The following KDM3A variants were observed in gnomAD, a reference collection of about 807,000 sequenced individuals.
KDM3A encodes lysine-specific demethylase 3A.
Under a neutral mutation model 158.0 loss-of-function variants are expected in KDM3A, and 60 were observed. The observed-to-expected ratio is 0.38, with a 90% confidence interval of 0.31 to 0.47. The LOEUF (loss-of-function observed/expected upper bound fraction) is 0.47. Ranked by LOEUF, KDM3A falls within the 20% of genes least tolerant of loss-of-function variation. The pLI is 0.99. For synonymous variants in KDM3A, 608 were observed against 549.3 expected (o/e 1.11, Z -1.49); for missense variants, 1,319 against 1,574.3 (o/e 0.84, Z 2.74).
At chr2:86,438,354 G>A (rs1573123055), upstream of KDM3A, among the ~76,000 whole-genome samples, 1 of 152,066 alleles carries the variant, frequency 6.6e-6, no homozygotes, top group Non-Finnish European at 1.5e-5. Flanking sequence ...GGAGTGGGGA[G>A]ATTGGGTAGA....
At chr2:86,474,276 A>T (rs1673547458) in intron 11 of KDM3A, among the ~76,000 whole-genome samples, 1 of 152,096 alleles carries the variant, frequency 6.6e-6, no homozygotes, top group Non-Finnish European at 1.5e-5. Flanking sequence ...AAGTGTTTTT[A>T]ATCTTCCTAC....
At chr2:86,461,780 T>C (rs903391861) in intron 8 of KDM3A, among the ~76,000 whole-genome samples, 2 of 151,986 alleles carry the variant, frequency 1.3e-5, no homozygotes, top group African/African-American at 4.8e-5. Context: ...CTGAAAACGA[T>C]GTAGCCAGAG....
chr2:86,478,069 G>C, intron 13 of KDM3A, 40 bp downstream of exon 13: 4 of 1,612,620 alleles, frequency 2.5e-6, no homozygotes, highest in Non-Finnish European at 3.4e-6. Flanking sequence ...CCTCTACACA[G>C]TTAAATCAAG....
intron 8 of KDM3A, 65 bp from the exon 9 acceptor site, chr2:86,463,988 G>T (rs1235950758): frequency 4.2e-6 from 5 of 1,198,610 alleles, no homozygotes; most frequent in Non-Finnish European, 5.7e-6. Flanking sequence ...CTTAAATTTG[G>T]TAGCATTTTA....
At position 86,455,207 on chromosome 2, in the gene KDM3A, G is replaced by T; in HGVS notation, c.556+20G>T. 7.5e-7 allele frequency: 1 copy of T among 1,325,236 alleles called. No homozygotes were observed. Among genetic ancestry groups the T allele is most frequent in the Non-Finnish European group, 1.1e-6 (1 of 936,484 alleles). 82.1% of individuals were successfully genotyped at this position (1,325,236 alleles called of 1,614,324 possible). ...TAAAAGGTATATGCATTATCTAGTG[G>T]TGATAGTTCACGAGTTGACCAATGA... On this transcript the variant is annotated intron_variant, in intron 5 of 25. Coordinates refer to ENST00000312912, the MANE Select transcript of KDM3A (RefSeq NM_018433.6).
chr2:86,453,739 T>A (rs72930362), intron 4 of KDM3A, among the ~76,000 whole-genome samples: 20,461 of 151,940 alleles, frequency 0.13, 1,500 homozygotes, highest in Middle Eastern at 0.16. Context: ...TCTTATGGAG[T>A]CCCTAGGTTT....
rs770034100 is a variant in KDM3A at position 86,442,032 on chromosome 2, T to C, written c.-16T>C. ...TGTTTTTGCAGGGAGGAGCTCTTCC[T>C]GCAGGCGTGGAAACCATGGTGCTCA... On this transcript the variant is annotated 5_prime_UTR_variant, in exon 2 of 26. Transcript: ENST00000312912. The C allele has an allele frequency of 1.9e-6, 3 of 1,597,350 alleles. No homozygotes were observed. In the East Asian group the frequency reaches 6.9e-5, roughly 37 times the overall value.
chr2:86,473,267 C>CCT (rs1163981030), intron 11 of KDM3A, among the ~76,000 whole-genome samples: 3 of 152,160 alleles, frequency 2.0e-5, no homozygotes. Context: ...CTCAAGTGAT[C>CCT]CTCCCATCTC....
intron 15 of KDM3A, 129 bp downstream of exon 15, chr2:86,478,864 GAGAA>G: frequency 1.2e-6 from 1 of 856,022 alleles, no homozygotes; most frequent in Non-Finnish European, 1.8e-6. Context: ...GAAAGAGAGA[GAGAA>G]AGAATTCATA....
intron 15 of KDM3A, 86 bp from the exon 16 acceptor site, chr2:86,480,078 CTTG>C (rs1673846532): frequency 2.0e-6 from 2 of 1,006,672 alleles, no homozygotes; most frequent in African/African-American, 3.2e-5. Context: ...ATTTATCTTA[CTTG>C]TTGGTCGGCT....
At chr2:86,458,678 C>G (rs1355200360) in intron 8 of KDM3A, among the ~76,000 whole-genome samples, 1 of 152,106 alleles carries the variant, frequency 6.6e-6, no homozygotes. Context: ...GGCAGAGCCT[C>G]TCAGACAGGG....
intron 8 of KDM3A, among the ~76,000 whole-genome samples, chr2:86,462,252 G>A (rs1672961775): frequency 6.6e-6 from 1 of 151,606 alleles, no homozygotes; most frequent in Non-Finnish European, 1.5e-5. Context: ...AAAAATTTAT[G>A]CTTAGGTTTA....
chr2:86,471,387 G>A (rs914950695), intron 11 of KDM3A, among the ~76,000 whole-genome samples: 3 of 150,956 alleles, frequency 2.0e-5, no homozygotes, highest in Non-Finnish European at 3.0e-5. Flanking sequence ...ATATATGTGT[G>A]TATATATATA....
chr2:86,451,136 G>C lies in KDM3A; in HGVS notation c.376G>C (p.Gly126Arg), dbSNP rs1338770276. The C allele has an allele frequency of 6.2e-7, 1 of 1,611,088 alleles. No individual in the cohort carries two copies. The highest frequency in any genetic ancestry group is 1.7e-5 in the Admixed American group (1 of 59,194). ...YKPLLDKAGL[G>R]SITSVRFLGD... ...ACCTCTGTTGGACAAAGCTGGTTTG[G>C]GATCCATAACTTCTGTTCGCTTTCT... is the stretch of plus-strand genomic sequence containing the variant. The change falls in exon 4 of 26, where the codon GGA becomes CGA. Residue 126 changes from glycine to arginine, a missense_variant. Gly to Arg is a moderately radical substitution (Grantham distance 125). Transcript: ENST00000312912.
chr2:86,478,017 A>T lies in KDM3A; in HGVS notation c.2080A>T (p.Asn694Tyr). The T allele has an allele frequency of 2.5e-6, 4 of 1,614,122 alleles. No individual in the cohort carries two copies. Among genetic ancestry groups the T allele is most frequent in the Non-Finnish European group, 3.4e-6 (4 of 1,180,002 alleles). Residue 694 changes from asparagine to tyrosine, a missense_variant, in exon 13 of 26, where the codon AAT becomes TAT. By Grantham distance (143) the Asn-to-Tyr change is moderately radical. Transcript: ENST00000312912. ...CVDCYRMKRK[N>Y]CQQGAAYKTF... ...GGACTGCTACCGGATGAAGAGAAAG[A>T]ATTGCCAACAGGGTGAGAACCGATT... is the stretch of plus-strand genomic sequence containing the variant.
chr2:86,472,846 A>G (rs1673480041), intron 11 of KDM3A, among the ~76,000 whole-genome samples: 3 of 152,146 alleles, frequency 2.0e-5, no homozygotes, highest in Admixed American at 6.5e-5. Flanking sequence ...CCTTTAGTCT[A>G]ATTAGTCTAT....
chr2:86,449,309 A>G (rs1156813464), intron 2 of KDM3A, among the ~76,000 whole-genome samples: 1 of 152,224 alleles, frequency 6.6e-6, no homozygotes, highest in Non-Finnish European at 1.5e-5. Context: ...GATGTGCTGT[A>G]TATTAGGCCT....
At position 86,455,205 on chromosome 2, in the gene KDM3A, T is replaced by G; in HGVS notation, c.556+18T>G. ...TTTAAAAGGTATATGCATTATCTAGTGGTGATAGTTCACGAGTTGACCAAT... is the reference window on the plus strand; with the variant it reads ...TTTAAAAGGTATATGCATTATCTAGGGGTGATAGTTCACGAGTTGACCAAT... On this transcript the variant is annotated intron_variant, in intron 5 of 25. Transcript: ENST00000312912. 2.2e-6 allele frequency: 3 copies of G among 1,335,646 alleles called. No individual in the cohort carries two copies. The highest frequency in any genetic ancestry group is 3.2e-6 in the Non-Finnish European group (3 of 945,148). 82.7% of individuals were successfully genotyped at this position (1,335,646 alleles called of 1,614,324 possible). A position where few individuals can be genotyped will look rare whatever the true frequency, so the allele number is the denominator to read the frequency against.
intron 11 of KDM3A, among the ~76,000 whole-genome samples, chr2:86,470,972 C>G (rs922142374): frequency 2.0e-5 from 3 of 152,082 alleles, no homozygotes; most frequent in African/African-American, 7.2e-5. Flanking sequence ...ATCTTCTTGT[C>G]CATGTCCCTG....
Sources: gnomAD v4.1 joint callset for allele counts (sites outside exome capture counted in the v4.1 genomes callset) on GRCh38, gnomAD v4.1.1 for gene constraint, MANE v1.5 for transcripts, NCBI Gene and HGNC (gene_info 2026-07-23, HGNC 2026-07-21) for gene names.